The following INTS2 variants were observed in gnomAD, a reference collection of about 807,000 sequenced individuals.
INTS2 encodes KIAA1287.
A neutral mutation model predicts 139.6 loss-of-function variants in INTS2; 57 were observed. The ratio of observed to expected loss-of-function variants is 0.41; its 90% CI spans 0.33 to 0.51. INTS2 has a LOEUF of 0.51. Among genes scored for constraint, INTS2 ranks in the 20% least tolerant of loss-of-function variants. The pLI is 0.28. For missense variants in INTS2, 1,196 were observed against 1,436.7 expected (o/e 0.83, Z 2.71); for synonymous variants, 473 against 493.4 (o/e 0.96, Z 0.55).
intron 8 of INTS2, among the ~76,000 whole-genome samples, chr17:61,905,525 C>T (rs1445755297): frequency 1.3e-5 from 2 of 152,122 alleles, no homozygotes; most frequent in Non-Finnish European, 2.9e-5. Flanking sequence ...GAGGGTTTCA[C>T]CATCTTGAAT....
Position 61,877,877 on chromosome 17 carries a change from C to G in INTS2, c.2456+10G>C. ...ATTATCTATTACATGTAACAATACA[C>G]TGAATTTACCTTCTAGGCATCACAG... On this transcript the variant is annotated intron_variant, in intron 18 of 24. Transcript: ENST00000251334. 6.3e-7 allele frequency: 1 copy of G among 1,593,160 alleles called. No individual in the cohort carries two copies. Among genetic ancestry groups the G allele is most frequent in the Non-Finnish European group, 8.6e-7 (1 of 1,160,968 alleles).
chr17:61,874,717 C>T (rs1006091084), intron 19 of INTS2, among the ~76,000 whole-genome samples, 196 bp downstream of exon 19: 1 of 152,104 alleles, frequency 6.6e-6, no homozygotes, highest in Non-Finnish European at 1.5e-5. Flanking sequence ...TTATTAATCA[C>T]ATACTAAATA....
At chr17:61,916,492 G>A (rs1472672413) in intron 5 of INTS2, among the ~76,000 whole-genome samples, 1 of 152,058 alleles carries the variant, frequency 6.6e-6, no homozygotes, top group Non-Finnish European at 1.5e-5. Flanking sequence ...CAGAAATAAA[G>A]CCACACACCT....
At position 61,893,865 on chromosome 17, in the gene INTS2, G is replaced by T; in HGVS notation, c.1598C>A (p.Thr533Asn). 6.3e-7 allele frequency: 1 copy of T among 1,580,680 alleles called. No individual in the cohort carries two copies. The highest frequency in any genetic ancestry group is 1.2e-5 in the South Asian group (1 of 86,034). ...VTAHAVRVPV[T>N]SNLSANITGF... ...AGTAATGTTGGCACTCAGGTTGCTG[G>T]TGACAGGGACCCGAACTGCATGAGC... Residue 533 changes from threonine to asparagine, a missense_variant, in exon 13 of 25, where the codon ACC becomes AAC. Physicochemically the swap from Thr to Asn is moderately conservative, Grantham distance 65. Transcript: ENST00000251334. This position sits in a 1 kb window ranked among gnomAD's most constrained non-coding sequence, Gnocchi z 5.4.
At chr17:61,911,238 C>A in intron 7 of INTS2, 1 of 415,000 alleles carries the variant, frequency 2.4e-6, no homozygotes, top group Non-Finnish European at 4.2e-6. Flanking sequence ...GGACTATAGG[C>A]ACATACCAAC....
intron 5 of INTS2, among the ~76,000 whole-genome samples, chr17:61,912,702 T>C (rs1170435923): frequency 6.6e-6 from 1 of 152,116 alleles, no homozygotes; most frequent in East Asian, 1.9e-4. Flanking sequence ...CAATGAGCCC[T>C]AAGTGGAACA....
intron 9 of INTS2, among the ~76,000 whole-genome samples, chr17:61,900,028 C>T (rs1048926006): frequency 6.6e-6 from 1 of 151,950 alleles, no homozygotes; most frequent in Non-Finnish European, 1.5e-5. Flanking sequence ...CATCCTGAAA[C>T]TCCATTAAAG....
intron 15 of INTS2, among the ~76,000 whole-genome samples, chr17:61,887,437 C>T (rs563242227): frequency 4.6e-4 from 68 of 146,380 alleles, no homozygotes; most frequent in Admixed American, 4.4e-3. Context: ...GAGCTGAGAT[C>T]GTGCCACTGC....
rs967218619 is a variant in INTS2 at position 61,923,896 on chromosome 17, G to A, written c.432+1065C>T. Among the ~76,000 whole-genome samples, 17 of 152,118 alleles carry A rather than the reference G, an allele frequency of 1.1e-4. 1 individual carries two copies. Among genetic ancestry groups the A allele is most frequent in the Admixed American group, 8.5e-4 (13 of 15,268 alleles). ...TTGAACTCCCAACCTCAGGTGATCCGCCCACCTCGGCCTCCCAAAGTGCTG... is the reference window on the plus strand; with the variant it reads ...TTGAACTCCCAACCTCAGGTGATCCACCCACCTCGGCCTCCCAAAGTGCTG... On this transcript the variant is annotated intron_variant, in intron 3 of 24. Transcript: ENST00000251334.
Position 61,900,434 on chromosome 17 carries a change from T to C in INTS2, c.1308-2695A>G, listed in dbSNP as rs73332589. Among the ~76,000 whole-genome samples the C allele has an allele frequency of 3.8e-3, 572 of 152,276 alleles. 4 individuals carry two copies. Among genetic ancestry groups the C allele is most frequent in the African/African-American group, 0.013 (537 of 41,560 alleles). ...ATCTGAATTAAGGGACAACCAGGTATATCTGGAGCACCATTCTGAAAGTAG... is the reference window on the plus strand; with the variant it reads ...ATCTGAATTAAGGGACAACCAGGTACATCTGGAGCACCATTCTGAAAGTAG... On this transcript the variant is annotated intron_variant, in intron 9 of 24. Transcript: ENST00000251334.
At chr17:61,880,861 C>A (rs2079171970) in intron 17 of INTS2, 146 bp downstream of exon 17, 2 of 595,586 alleles carry the variant, frequency 3.4e-6, no homozygotes, top group South Asian at 5.4e-5. Flanking sequence ...TCCTTAAACG[C>A]AAAGAGTATT....
In INTS2 at chr17:61,881,015, A is replaced by C; in HGVS notation, c.2246T>G (p.Leu749Arg). Residue 749 changes from leucine (L) to arginine (R), a missense_variant, in exon 17 of 25, where the codon CTC (leucine) becomes CGC (arginine). Physicochemically the swap from Leu to Arg is moderately radical, Grantham distance 102 (BLOSUM62 -2). Around this residue, in one of 3 missense-constraint regions of INTS2, gnomAD observed 1,129 missense variants for 1,341.9 expected, o/e 0.84. Transcript: ENST00000251334. ...NNAKNHSPKQLQEAFSAVPVN... is the reference protein window; with the variant it reads ...NNAKNHSPKQRQEAFSAVPVN... ...TCAATAATTTACTATACCTTCTTGG[A>C]GTTGTTTGGGAGAATGATTTTTAGC... 1.2e-6 allele frequency: 2 copies of C among 1,613,028 alleles called. No individual in the cohort carries two copies. The highest frequency in any genetic ancestry group is 1.7e-6 in the Non-Finnish European group (2 of 1,179,118).
At position 61,875,007 on chromosome 17, in the gene INTS2, G is replaced by T. The variant is rs779590018; in HGVS notation, c.2488C>A (p.Pro830Thr). The stretch of plus-strand genomic sequence containing the variant: ...TGTTGTCGTACAAACTTTATTGAAG[G>T]CTGAAGTGCATTAACCGTCATTACC... ...LWVMTVNALQ[P>T]SIKFVRQQKY... is the part of the protein sequence containing the mutation. The change falls in exon 19 of 25, where the codon CCT becomes ACT. Residue 830 changes from proline to threonine, a missense_variant. By Grantham distance (38) the Pro-to-Thr change is conservative (BLOSUM62 -1). Around this residue, in one of 3 missense-constraint regions of INTS2, gnomAD observed 1,129 missense variants for 1,341.9 expected, o/e 0.84. Transcript: ENST00000251334. The surrounding 1 kb of genome is among the most constrained non-coding windows in gnomAD (Gnocchi z 4.6). The T allele has an allele frequency of 6.3e-7, 1 of 1,597,608 alleles. No individual in the cohort carries two copies. Among genetic ancestry groups the T allele is most frequent in the Non-Finnish European group, 8.5e-7 (1 of 1,170,976 alleles).
chr17:61,874,823 A>T, intron 19 of INTS2, 90 bp downstream of exon 19: 1 of 1,109,812 alleles, frequency 9.0e-7, no homozygotes, highest in Non-Finnish European at 1.2e-6. Flanking sequence ...AAGAAAAATT[A>T]AAATATAAGT....
rs2079129342 is a variant in INTS2 at position 61,876,590 on chromosome 17, G to A, written c.2456+1297C>T. On this transcript the variant is annotated intron_variant, in intron 18 of 24. Coordinates refer to ENST00000251334, the MANE Select transcript of INTS2 (RefSeq NM_001351695.2). This position sits in a 1 kb window ranked among gnomAD's most constrained non-coding sequence, Gnocchi z 4.1. ...AGTAGCTGGGAATACAGGCATGCAT[G>A]CACCACCATGCCCTGCTAATTTTTG... 6.6e-6 allele frequency among the ~76,000 whole-genome samples: 1 copy of A among 151,998 alleles called. No individual in the cohort carries two copies. The highest frequency in any genetic ancestry group is 2.4e-5 in the African/African-American group (1 of 41,388).
intron 5 of INTS2, among the ~76,000 whole-genome samples, chr17:61,914,304 C>T (rs2079555330): frequency 6.6e-6 from 1 of 152,148 alleles, no homozygotes. Flanking sequence ...GCCTGTAAAT[C>T]CCAGCACTTT....
At chr17:61,887,740 G>A (rs913281223) in intron 15 of INTS2, among the ~76,000 whole-genome samples, 9 of 151,938 alleles carry the variant, frequency 5.9e-5, no homozygotes, top group African/African-American at 2.2e-4. Context: ...CAAAGACACA[G>A]AAAATGTCAA....
intron 5 of INTS2, among the ~76,000 whole-genome samples, chr17:61,914,891 G>A (rs990530292): frequency 2.0e-5 from 3 of 149,140 alleles, no homozygotes; most frequent in African/African-American, 4.9e-5. Flanking sequence ...AAAAAAAAGC[G>A]TATTTTGGAG....
intron 9 of INTS2, among the ~76,000 whole-genome samples, chr17:61,900,302 T>C (rs1164929240): frequency 1.3e-5 from 2 of 152,122 alleles, no homozygotes; most frequent in Non-Finnish European, 2.9e-5. Context: ...TCTATATAAG[T>C]AGTAGACCTC....
Sources: gnomAD v4.1 joint callset for allele counts (sites outside exome capture counted in the v4.1 genomes callset) on GRCh38, gnomAD v4.1.1 for gene constraint, gnomAD v4.1.1 regional missense constraint, Gnocchi (gnomAD v3.1) non-coding constraint, MANE v1.5 for transcripts, NCBI Gene and HGNC (gene_info 2026-07-23, HGNC 2026-07-21) for gene names.